DLG2: variants seen among roughly 807,000 people sequenced by gnomAD.
DLG2 encodes disks large homolog 2.
In DLG2, 45 loss-of-function variants were observed where a neutral mutation model predicts 132.5. That is an observed-to-expected ratio of 0.34 (90% CI 0.27 to 0.44). The LOEUF is 0.44. Ranked by LOEUF, DLG2 falls within the 20% of genes least tolerant of loss-of-function variation. The pLI is 1.00. For missense variants in DLG2, 1,045 were observed against 1,196.9 expected, an observed-to-expected ratio of 0.87 and a Z score of 1.87; for synonymous variants, 424 against 419.6, an observed-to-expected ratio of 1.01 and a Z score of -0.13.
At position 83,833,748 on chromosome 11, in the gene DLG2, G is replaced by T. The variant is rs758759070; in HGVS notation, c.1588C>A (p.His530Asn). ...AAGCCCAGGCCAGTGGAGCCTTTGTGCAGGACTACCTTGCGAGGCTCTCTG... is the reference window on the plus strand; with the variant it reads ...AAGCCCAGGCCAGTGGAGCCTTTGTTCAGGACTACCTTGCGAGGCTCTCTG... Reference protein sequence around the residue: ...LEGEPRKVVLHKGSTGLGFNI... With the variant: ...LEGEPRKVVLNKGSTGLGFNI... Residue 530 changes from histidine (H) to asparagine (N), a missense_variant, in exon 17 of 28, where the codon CAC becomes AAC. By Grantham distance (68) the His-to-Asn change is moderately conservative. Coordinates refer to ENST00000376104, the MANE Select transcript of DLG2 (RefSeq NM_001142699.3). The T allele has an allele frequency of 2.5e-6, 4 of 1,613,964 alleles. No individual in the cohort carries two copies. The highest frequency in any genetic ancestry group is 3.4e-6 in the Non-Finnish European group (4 of 1,179,920).
At chr11:84,179,590 C>T (rs1027470912) in intron 8 of DLG2, among the ~76,000 whole-genome samples, 11 of 152,122 alleles carry the variant, frequency 7.2e-5, no homozygotes, top group Admixed American at 3.3e-4. Context: ...TAAAGCTCTA[C>T]GAGGCCTTCG....
At chr11:83,717,623 GTC>G (rs2087049457) in intron 18 of DLG2, among the ~76,000 whole-genome samples, 1 of 152,208 alleles carries the variant, frequency 6.6e-6, no homozygotes, top group Non-Finnish European at 1.5e-5. Flanking sequence ...TGATTACAGT[GTC>G]TGTCTGTAAA....
At chr11:84,295,910 C>A (rs911531244) in intron 7 of DLG2, among the ~76,000 whole-genome samples, 1 of 152,148 alleles carries the variant, frequency 6.6e-6, no homozygotes, top group Non-Finnish European at 1.5e-5. Context: ...GTCAAGGCAA[C>A]TATAATGGTA....
intron 7 of DLG2, among the ~76,000 whole-genome samples, chr11:84,420,818 G>A (rs370919100): frequency 2.4e-4 from 36 of 151,216 alleles, no homozygotes; most frequent in Admixed American, 1.3e-4. Flanking sequence ...ACAGGCGTGC[G>A]CCACCACGCC....
chr11:85,400,619 C>T (rs1181318289), intron 3 of DLG2, among the ~76,000 whole-genome samples: 1 of 143,432 alleles, frequency 7.0e-6, no homozygotes, highest in Non-Finnish European at 1.5e-5. Flanking sequence ...ATGATGAGTT[C>T]ATTTCCTTTG....
chr11:84,294,513 G>A lies in DLG2; in HGVS notation c.520-43222C>T, dbSNP rs1419200413. Among the ~76,000 whole-genome samples, 12 of 152,284 alleles carry A rather than the reference G, an allele frequency of 7.9e-5. No individual in the cohort carries two copies. In the South Asian group the frequency reaches 1.2e-3, roughly 16 times the overall value. ...TCCCAGAGGCTGAGGCAGAAGAATC[G>A]CTTGAACCTGGGAGGTGAAGGTTGC... On this transcript the variant is annotated intron_variant, in intron 7 of 27. Transcript: ENST00000376104.
chr11:85,126,319 A>G (rs1264319206), intron 5 of DLG2, among the ~76,000 whole-genome samples: 2 of 152,122 alleles, frequency 1.3e-5, no homozygotes, highest in Non-Finnish European at 2.9e-5. Flanking sequence ...TACTTTGGTA[A>G]GAATTTGTGT....
chr11:85,157,045 T>C (rs2077638511), intron 4 of DLG2, among the ~76,000 whole-genome samples: 1 of 152,196 alleles, frequency 6.6e-6, no homozygotes, highest in Non-Finnish European at 1.5e-5. Flanking sequence ...CACCATCTAA[T>C]CAGCTGCCAG....
At chr11:84,424,609 G>A (rs2098960683) in intron 7 of DLG2, among the ~76,000 whole-genome samples, 2 of 151,938 alleles carry the variant, frequency 1.3e-5, no homozygotes, top group South Asian at 4.1e-4. Flanking sequence ...GGCAGTGCTG[G>A]GATTTGAAAC....
chr11:85,284,490 G>C (rs1251978456), intron 4 of DLG2, among the ~76,000 whole-genome samples: 1 of 151,762 alleles, frequency 6.6e-6, no homozygotes, highest in Non-Finnish European at 1.5e-5. Flanking sequence ...TAGTGTGTGT[G>C]GGTATGTACT....
intron 6 of DLG2, among the ~76,000 whole-genome samples, chr11:85,081,271 C>CT: frequency 6.6e-6 from 1 of 152,160 alleles, no homozygotes; most frequent in Non-Finnish European, 1.5e-5. Context: ...TGAGTAAACT[C>CT]TATATTATAG....
intron 7 of DLG2, among the ~76,000 whole-genome samples, chr11:84,372,971 C>T (rs921024248): frequency 6.6e-6 from 1 of 151,724 alleles, no homozygotes; most frequent in Non-Finnish European, 1.5e-5. Context: ...GATGAAACCA[C>T]GAGAGTTACT....
chr11:84,036,006 T>A (rs1042668531), intron 11 of DLG2, among the ~76,000 whole-genome samples: 4 of 152,164 alleles, frequency 2.6e-5, no homozygotes, highest in African/African-American at 9.6e-5. Context: ...GTGTTTTGTA[T>A]ACATTAATCT....
rs564703024 is a variant in DLG2 at position 83,802,715 on chromosome 11, TA to T, written c.1723-15924del. ...GCATACATGTCTAATATTTTGAAAC[TA>T]AAAAAAAGTCATTATCTATTGCTAA... On this transcript the variant is annotated intron_variant, in intron 17 of 27. Transcript: ENST00000376104. Among the ~76,000 whole-genome samples the T allele has an allele frequency of 1.6e-3, 248 of 151,892 alleles. 1 individual carries two copies. The highest frequency in any genetic ancestry group is 5.2e-3 in the African/African-American group (216 of 41,460).
At chr11:85,172,727 A>G (rs186344392) in intron 4 of DLG2, among the ~76,000 whole-genome samples, 278 of 152,304 alleles carry the variant, frequency 1.8e-3, no homozygotes, top group African/African-American at 6.5e-3. Flanking sequence ...AAGAATCATG[A>G]TGAAACAATA....
At chr11:85,160,220 C>T (rs762877746) in intron 4 of DLG2, among the ~76,000 whole-genome samples, 2 of 152,116 alleles carry the variant, frequency 1.3e-5, no homozygotes, top group Admixed American at 1.3e-4. Context: ...GAGTGACTGC[C>T]GGTTTTGAGT....
chr11:84,379,237 G>A (rs2098740966), intron 7 of DLG2, among the ~76,000 whole-genome samples: 1 of 152,048 alleles, frequency 6.6e-6, no homozygotes, highest in African/African-American at 2.4e-5. Context: ...ACAATTCAAA[G>A]TGTAGGATAA....
At chr11:83,507,758 TTATATATATATATATATATA>T (rs59086507) in intron 21 of DLG2, among the ~76,000 whole-genome samples, 140 of 99,872 alleles carry the variant, frequency 1.4e-3, no homozygotes, top group South Asian at 2.5e-3. Context: ...TATATTTTTA[TTATATATATATATATATATA>T]TATATATATA....
At chr11:84,915,825 A>C (rs1020249065) in intron 6 of DLG2, among the ~76,000 whole-genome samples, 10 of 151,814 alleles carry the variant, frequency 6.6e-5, no homozygotes, top group African/African-American at 2.2e-4. Context: ...CATTCAGTCC[A>C]TTATTTTCAA....
Sources: gnomAD v4.1 joint callset for allele counts (sites outside exome capture counted in the v4.1 genomes callset) on GRCh38, gnomAD v4.1.1 for gene constraint, MANE v1.5 for transcripts, NCBI Gene and HGNC (gene_info 2026-07-23, HGNC 2026-07-21) for gene names.